The following AHCYL2 variants were observed in gnomAD, a reference collection of about 807,000 sequenced individuals.
The protein encoded by AHCYL2 is S-adenosylhomocysteine hydrolase-like protein 2.
In AHCYL2, 28 loss-of-function variants were observed where a neutral mutation model predicts 81.4. The observed-to-expected ratio is 0.34, with a 90% CI of 0.25 to 0.47. AHCYL2 has a LOEUF of 0.47. AHCYL2 is among the 20% of genes least tolerant of loss of function. The probability of loss-of-function intolerance (pLI) is 1.00; values close to 1 mark genes in which losing one functional copy is unlikely to be tolerated. For synonymous variants in AHCYL2, 272 were observed against 290.2 expected (o/e 0.94, Z 0.64); for missense variants, 551 against 785.1 (o/e 0.70, Z 3.56).
chr7:129,385,297 C>A (rs1227619234), intron 2 of AHCYL2, among the ~76,000 whole-genome samples: 1 of 152,188 alleles, frequency 6.6e-6, no homozygotes, highest in Non-Finnish European at 1.5e-5. Flanking sequence ...ATTTCCATTA[C>A]CAAATGAATA....
intron 1 of AHCYL2, among the ~76,000 whole-genome samples, chr7:129,302,151 G>A (rs1011284477): frequency 6.6e-6 from 1 of 152,012 alleles, no homozygotes; most frequent in Non-Finnish European, 1.5e-5. Context: ...TATAAATGGC[G>A]TTACTTCCTT....
chr7:129,337,836 C>T (rs542966141), intron 1 of AHCYL2, among the ~76,000 whole-genome samples: 2 of 152,298 alleles, frequency 1.3e-5, no homozygotes, highest in Non-Finnish European at 2.9e-5. Context: ...CTCCACCTCC[C>T]GGGTTCAAGC....
chr7:129,425,712 A>T (rs1349771840), intron 15 of AHCYL2, among the ~76,000 whole-genome samples: 1 of 152,228 alleles, frequency 6.6e-6, no homozygotes, highest in African/African-American at 2.4e-5. Flanking sequence ...TGTGTTTATA[A>T]ACTCCTCAGG....
rs563547983 is a variant in AHCYL2 at position 129,273,591 on chromosome 7, G to A, written c.363+48152G>A. 3.9e-5 allele frequency among the ~76,000 whole-genome samples: 6 copies of A among 152,094 alleles called. No individual in the cohort carries two copies. The South Asian group carries it at 1.2e-3, about 32-fold the overall frequency. ...GATCCGCCCACCTCGGCCTCCCAAAGTGCTGGGATTATAGGCATGAGCCAC... is the reference window on the plus strand; with the variant it reads ...GATCCGCCCACCTCGGCCTCCCAAAATGCTGGGATTATAGGCATGAGCCAC... On this transcript the variant is annotated intron_variant, in intron 1 of 16. Coordinates refer to ENST00000325006, the MANE Select transcript of AHCYL2 (RefSeq NM_015328.4).
At chr7:129,245,863 A>G (rs1795036162) in intron 1 of AHCYL2, among the ~76,000 whole-genome samples, 1 of 152,186 alleles carries the variant, frequency 6.6e-6, no homozygotes. Flanking sequence ...TTGGTTGTAT[A>G]CCCAGAAATG....
chr7:129,230,152 G>A (rs1201837266), intron 1 of AHCYL2, among the ~76,000 whole-genome samples: 5 of 140,992 alleles, frequency 3.5e-5, no homozygotes, highest in East Asian at 2.1e-4. Context: ...TGGCGATCTC[G>A]GCTCACTGAA....
intron 1 of AHCYL2, among the ~76,000 whole-genome samples, chr7:129,230,244 G>A (rs534768820): frequency 5.3e-4 from 80 of 151,684 alleles, no homozygotes; most frequent in African/African-American, 1.5e-3. Context: ...CACCACACCC[G>A]GCTGATTTTT....
In AHCYL2 at chr7:129,389,147, G is replaced by A. The variant is rs762018637; in HGVS notation, c.567G>A (p.Lys189=). Residue 189 remains lysine, a synonymous_variant, in exon 3 of 17, where the codon AAG becomes AAA. Transcript: ENST00000325006. ...AGGGAAGCAGTGACTTCTGTGTTAAGAACATCAAACAGGCAGAGTTTGGAC... is the reference window on the plus strand; with the variant it reads ...AGGGAAGCAGTGACTTCTGTGTTAAAAACATCAAACAGGCAGAGTTTGGAC... ...NSKGSSDFCV[K]NIKQAEFGRR... is the part of the protein sequence containing the mutation. 1 of 1,613,976 alleles carries A rather than the reference G, an allele frequency of 6.2e-7. No homozygotes were observed. The highest frequency in any genetic ancestry group is 8.5e-7 in the Non-Finnish European group (1 of 1,179,940).
At chr7:129,258,134 G>GGT (rs1158475150) in intron 1 of AHCYL2, among the ~76,000 whole-genome samples, 2 of 151,820 alleles carry the variant, frequency 1.3e-5, no homozygotes, top group African/African-American at 4.8e-5. Context: ...CTCCCATTGT[G>GGT]GTTACCTTTG....
At chr7:129,398,032 G>A (rs749378473) in intron 5 of AHCYL2, among the ~76,000 whole-genome samples, 7 of 152,018 alleles carry the variant, frequency 4.6e-5, no homozygotes, top group African/African-American at 2.4e-5. Context: ...AAGTAGAAAC[G>A]GAGTCTTGCT....
intron 1 of AHCYL2, among the ~76,000 whole-genome samples, chr7:129,355,495 G>A (rs751696975): frequency 1.3e-5 from 2 of 152,168 alleles, no homozygotes; most frequent in Non-Finnish European, 2.9e-5. Flanking sequence ...ACCTAACCGT[G>A]TATTTTTCCT....
At chr7:129,345,364 G>C (rs1793326039) in intron 1 of AHCYL2, among the ~76,000 whole-genome samples, 1 of 152,218 alleles carries the variant, frequency 6.6e-6, no homozygotes. Context: ...AGGGGAGTAT[G>C]TGCCTACTAA....
chr7:129,229,061 CTTTTTTTTTTT>C (rs59291148), intron 1 of AHCYL2, among the ~76,000 whole-genome samples: 1,546 of 144,564 alleles, frequency 0.011, 16 homozygotes, highest in African/African-American at 0.029. Flanking sequence ...AATAATTAGC[CTTTTTTTTTTT>C]TTTTTTTTTT....
chr7:129,379,711 G>A lies in AHCYL2; in HGVS notation c.437G>A (p.Arg146His), dbSNP rs567017625. 5.6e-6 allele frequency: 9 copies of A among 1,614,060 alleles called. No homozygotes were observed. The highest frequency in any genetic ancestry group is 1.1e-5 in the South Asian group (1 of 91,068). The change falls in exon 2 of 17, where the codon CGT becomes CAT. Residue 146 changes from arginine to histidine, a missense_variant. Arg to His is a conservative substitution (Grantham distance 29). Transcript: ENST00000325006. The stretch of plus-strand genomic sequence containing the variant: ...AAAATTGGACGTCGCTCTTTGTCTC[G>A]TTCCATTTCTCAGTCATCTACTGAC... Reference protein sequence around the residue: ...PTKIGRRSLSRSISQSSTDSY... With the variant: ...PTKIGRRSLSHSISQSSTDSY...
chr7:129,319,646 G>A (rs190846225), intron 1 of AHCYL2, among the ~76,000 whole-genome samples: 22 of 152,162 alleles, frequency 1.4e-4, no homozygotes, highest in South Asian at 4.1e-4. Flanking sequence ...TACCACAATA[G>A]ATTTGTTTGC....
chr7:129,357,021 ATAAC>A (rs1793756520), intron 1 of AHCYL2, among the ~76,000 whole-genome samples: 1 of 152,234 alleles, frequency 6.6e-6, no homozygotes, highest in African/African-American at 2.4e-5. Flanking sequence ...AGATGAATAG[ATAAC>A]AAACATAGGT....
intron 1 of AHCYL2, among the ~76,000 whole-genome samples, chr7:129,349,315 T>A (rs537555521): frequency 1.6e-4 from 25 of 151,758 alleles, no homozygotes; most frequent in African/African-American, 6.0e-4. Context: ...GGGATAAAAT[T>A]GGAGGTTTGT....
At chr7:129,373,751 C>T (rs1478199840) in intron 1 of AHCYL2, among the ~76,000 whole-genome samples, 1 of 152,122 alleles carries the variant, frequency 6.6e-6, no homozygotes, top group African/African-American at 2.4e-5. Context: ...CCAAGGAGCT[C>T]CTTTTTACCT....
At chr7:129,290,790 C>T (rs1042454759) in intron 1 of AHCYL2, among the ~76,000 whole-genome samples, 5 of 149,998 alleles carry the variant, frequency 3.3e-5, no homozygotes, top group Non-Finnish European at 5.9e-5. Flanking sequence ...ATTAGCCGGG[C>T]GCAGTGGCGG....
Sources: gnomAD v4.1 joint callset for allele counts (sites outside exome capture counted in the v4.1 genomes callset) on GRCh38, gnomAD v4.1.1 for gene constraint, MANE v1.5 for transcripts, NCBI Gene and HGNC (gene_info 2026-07-23, HGNC 2026-07-21) for gene names.